The following NCKAP5 variants were observed in gnomAD, a reference collection of about 807,000 sequenced individuals.
NCKAP5 encodes the protein NCK associated protein 5, also known as nck-associated protein 5.
A neutral mutation model predicts 167.0 loss-of-function variants in NCKAP5; 92 were observed. The observed-to-expected ratio is 0.55, with a 90% CI of 0.47 to 0.66. The LOEUF is 0.66. NCKAP5 is among the 30% of genes least tolerant of loss of function. The pLI is 0.00. For missense variants in NCKAP5, 2,378 were observed against 2,315.0 expected (o/e 1.03, Z -0.56); for synonymous variants, 891 against 877.4 (o/e 1.02, Z -0.27).
At chr2:133,213,909 A>AC in intron 4 of NCKAP5, 130 bp from the exon 5 acceptor site, 1 of 754,310 alleles carries the variant, frequency 1.3e-6, no homozygotes, top group South Asian at 1.7e-5. Context: ...CCTCCTCTAT[A>AC]CTTTCTATAA....
intron 1 of NCKAP5, among the ~76,000 whole-genome samples, chr2:133,563,375 C>T (rs1253077814): frequency 1.3e-5 from 2 of 152,022 alleles, no homozygotes; most frequent in Non-Finnish European, 1.5e-5. Context: ...TTGAGACCAT[C>T]CTGGCCAACA....
chr2:132,713,018 A>G (rs1475772931), intron 19 of NCKAP5, among the ~76,000 whole-genome samples: 3 of 152,210 alleles, frequency 2.0e-5, no homozygotes, highest in Non-Finnish European at 2.9e-5. Flanking sequence ...ACTGACATGG[A>G]ATGATCTCCA....
At chr2:133,443,736 C>G (rs1210647407) in intron 3 of NCKAP5, among the ~76,000 whole-genome samples, 1 of 152,156 alleles carries the variant, frequency 6.6e-6, no homozygotes, top group Non-Finnish European at 1.5e-5. Flanking sequence ...TTTCTTCTTC[C>G]TACCCTAGAG....
At chr2:133,030,306 G>A (rs2078838482) in intron 6 of NCKAP5, among the ~76,000 whole-genome samples, 2 of 152,186 alleles carry the variant, frequency 1.3e-5, no homozygotes, top group Non-Finnish European at 2.9e-5. Context: ...CTCACACTCA[G>A]TGCCTGCAAG....
At chr2:133,628,207 CTGTT>C in the NCKAP5 span, among the ~76,000 whole-genome samples, 1 of 152,148 alleles carries the variant, frequency 6.6e-6, no homozygotes, top group Non-Finnish European at 1.5e-5. Context: ...CAAACTGTCT[CTGTT>C]TGTAGATGAC....
chr2:132,884,961 G>A (rs11895174), intron 8 of NCKAP5, among the ~76,000 whole-genome samples: 5,795 of 152,144 alleles, frequency 0.038, 334 homozygotes, highest in African/African-American at 0.12. Flanking sequence ...ATCTATTACT[G>A]CCAAGCAAAT....
chr2:133,642,005 G>T, the NCKAP5 span, among the ~76,000 whole-genome samples: 3 of 152,148 alleles, frequency 2.0e-5, no homozygotes, highest in African/African-American at 7.2e-5. Flanking sequence ...TGATTTTAGT[G>T]GCTGGATAGT....
intron 11 of NCKAP5, among the ~76,000 whole-genome samples, chr2:132,800,908 C>A (rs1574266511): frequency 6.6e-6 from 1 of 152,154 alleles, no homozygotes; most frequent in East Asian, 1.9e-4. Flanking sequence ...GTGGCAGGGA[C>A]TAGCTGGGTG....
At chr2:133,299,440 G>A (rs750416305) in intron 4 of NCKAP5, among the ~76,000 whole-genome samples, 10 of 151,958 alleles carry the variant, frequency 6.6e-5, no homozygotes, top group Non-Finnish European at 1.3e-4. Context: ...TCCCCATGCC[G>A]CAAGGAGATG....
intron 19 of NCKAP5, among the ~76,000 whole-genome samples, chr2:132,686,139 C>A (rs1244770425): frequency 6.6e-6 from 1 of 152,114 alleles, no homozygotes; most frequent in African/African-American, 2.4e-5. Flanking sequence ...CAGGGATTTG[C>A]AGATAAAATT....
chr2:133,033,603 G>T (rs573054941), intron 6 of NCKAP5, among the ~76,000 whole-genome samples: 10 of 152,258 alleles, frequency 6.6e-5, no homozygotes, highest in African/African-American at 2.4e-4. Flanking sequence ...GAAACTCAAA[G>T]AAATTCAAGA....
chr2:132,904,659 T>G (rs2148925068), intron 8 of NCKAP5, among the ~76,000 whole-genome samples: 1 of 152,316 alleles, frequency 6.6e-6, no homozygotes, highest in East Asian at 1.9e-4. Flanking sequence ...GCCCACTGAT[T>G]AGTACCATCT....
intron 6 of NCKAP5, among the ~76,000 whole-genome samples, chr2:133,090,946 A>G (rs1385927105): frequency 1.3e-5 from 2 of 152,092 alleles, no homozygotes; most frequent in Non-Finnish European, 2.9e-5. Flanking sequence ...CCGCAGTGTT[A>G]GAGGGGCTTG....
chr2:132,867,741 A>G (rs904603067), intron 10 of NCKAP5, among the ~76,000 whole-genome samples: 4 of 152,218 alleles, frequency 2.6e-5, no homozygotes, highest in African/African-American at 9.6e-5. Context: ...CAAGGACTTT[A>G]TGGAGCAAAG....
chr2:133,291,063 G>T (rs964306759), intron 4 of NCKAP5, among the ~76,000 whole-genome samples: 18 of 152,144 alleles, frequency 1.2e-4, no homozygotes, highest in African/African-American at 4.1e-4. Context: ...AAAGTCTCAA[G>T]AAAAGTGTTT....
chr2:132,691,864 C>T (rs1686774571), intron 19 of NCKAP5, among the ~76,000 whole-genome samples: 1 of 152,158 alleles, frequency 6.6e-6, no homozygotes, highest in South Asian at 2.1e-4. Context: ...TTCTCTCACC[C>T]TGAACCCTTA....
chr2:133,180,756 T>C (rs1397441986), intron 5 of NCKAP5, among the ~76,000 whole-genome samples: 2 of 152,036 alleles, frequency 1.3e-5, no homozygotes, highest in East Asian at 1.9e-4. Flanking sequence ...GAAGAAAATA[T>C]AGGGGAAAAG....
intron 11 of NCKAP5, among the ~76,000 whole-genome samples, chr2:132,817,880 C>T (rs573014604): frequency 2.6e-5 from 4 of 152,208 alleles, no homozygotes; most frequent in South Asian, 2.1e-4. Context: ...AAGAAATGGT[C>T]GGGAATGACA....
At chr2:132,714,752 G>T (rs1174598976) in intron 19 of NCKAP5, 7 of 396,560 alleles carry the variant, frequency 1.8e-5, no homozygotes, top group Non-Finnish European at 2.5e-5. Context: ...GGCAGAGGTT[G>T]CAGTGAGCCG....
Sources: gnomAD v4.1 joint callset for allele counts (sites outside exome capture counted in the v4.1 genomes callset) on GRCh38, gnomAD v4.1.1 for gene constraint, MANE v1.5 for transcripts, NCBI Gene and HGNC (gene_info 2026-07-23, HGNC 2026-07-21) for gene names.